The following GRID1 variants were observed in gnomAD, a reference collection of about 807,000 sequenced individuals.
GRID1 encodes the protein glutamate receptor ionotropic, delta-1.
GRID1 carries 28 observed loss-of-function variants against 98.0 expected under a neutral mutation model. That is an observed-to-expected ratio of 0.29 (90% CI 0.21 to 0.39). GRID1 has a LOEUF of 0.39. Ranked by LOEUF, GRID1 falls within the 10% of genes least tolerant of loss-of-function variation. The pLI, the probability that GRID1 is intolerant of heterozygous loss-of-function variation, is 1.00. For synonymous variants in GRID1, 553 were observed against 538.5 expected (o/e 1.03, Z -0.37); for missense variants, 1,111 against 1,340.5 (o/e 0.83, Z 2.67).
chr10:85,766,661 G>A (rs1197020964), intron 8 of GRID1, among the ~76,000 whole-genome samples: 1 of 151,780 alleles, frequency 6.6e-6, no homozygotes, highest in African/African-American at 2.4e-5. Context: ...ATCATATGAG[G>A]AGAGGATCAA....
intron 2 of GRID1, among the ~76,000 whole-genome samples, chr10:86,241,359 T>C (rs1846629706): frequency 6.6e-6 from 1 of 152,238 alleles, no homozygotes; most frequent in East Asian, 1.9e-4. Flanking sequence ...GCCCTGGCCA[T>C]CAGGACCCCT....
intron 4 of GRID1, among the ~76,000 whole-genome samples, chr10:85,985,992 C>A (rs1842604015): frequency 6.6e-6 from 1 of 152,358 alleles, no homozygotes; most frequent in East Asian, 1.9e-4. Context: ...ACCCACCCCA[C>A]AGGGATGTGG....
At chr10:86,211,278 T>C (rs1437525302) in intron 2 of GRID1, among the ~76,000 whole-genome samples, 1 of 152,198 alleles carries the variant, frequency 6.6e-6, no homozygotes, top group African/African-American at 2.4e-5. Flanking sequence ...TGCCTCCATA[T>C]TATATGGTCA....
intron 2 of GRID1, among the ~76,000 whole-genome samples, chr10:86,266,321 T>C (rs1232680935): frequency 6.6e-6 from 1 of 152,068 alleles, no homozygotes; most frequent in East Asian, 1.9e-4. Context: ...ATCCCTCTAA[T>C]TCCTGCAAAC....
intron 12 of GRID1, among the ~76,000 whole-genome samples, chr10:85,701,945 G>A (rs1239977702): frequency 6.6e-6 from 1 of 151,970 alleles, no homozygotes; most frequent in African/African-American, 2.4e-5. Flanking sequence ...AACACCACCT[G>A]TTCCCCAACA....
At chr10:85,891,141 C>A (rs898738601) in intron 5 of GRID1, among the ~76,000 whole-genome samples, 1 of 152,178 alleles carries the variant, frequency 6.6e-6, no homozygotes, top group Admixed American at 6.6e-5. Context: ...GCACAACTAT[C>A]CCTACCACTA....
chr10:86,235,597 T>A (rs955622833), intron 2 of GRID1, among the ~76,000 whole-genome samples: 2 of 152,246 alleles, frequency 1.3e-5, no homozygotes, highest in African/African-American at 4.8e-5. Flanking sequence ...TTTCTGTCTC[T>A]ATAGTTTTGC....
intron 3 of GRID1, among the ~76,000 whole-genome samples, chr10:86,198,829 T>C (rs527875789): frequency 2.2e-4 from 34 of 152,234 alleles, no homozygotes; most frequent in African/African-American, 7.2e-4. Flanking sequence ...CGCACTGCCA[T>C]GAGGGAAGAA....
At position 86,066,447 on chromosome 10, in the gene GRID1, A is replaced by T. The variant is rs530322652; in HGVS notation, c.726+72372T>A. On this transcript the variant is annotated intron_variant, in intron 4 of 15. Coordinates refer to ENST00000327946, the MANE Select transcript of GRID1 (RefSeq NM_017551.3). The stretch of plus-strand genomic sequence containing the variant: ...TTTTTAGCCCTAAGAGAGGACACTC[A>T]TCCCCATTTTCCAGATGAGGAGACT... Among the ~76,000 whole-genome samples the T allele has an allele frequency of 4.6e-5, 7 of 152,316 alleles. No homozygotes were observed. In the South Asian group the frequency reaches 1.5e-3, roughly 32 times the overall value.
At chr10:85,771,931 AG>A (rs1842273190) in intron 8 of GRID1, among the ~76,000 whole-genome samples, 1 of 152,190 alleles carries the variant, frequency 6.6e-6, no homozygotes, top group Non-Finnish European at 1.5e-5. Context: ...AAAGTTAACA[AG>A]GATACCCAGG....
chr10:86,342,434 C>T (rs1848322639), intron 2 of GRID1, among the ~76,000 whole-genome samples: 1 of 152,232 alleles, frequency 6.6e-6, no homozygotes, highest in Non-Finnish European at 1.5e-5. Context: ...TACACACACA[C>T]TCCACTATGT....
intron 10 of GRID1, among the ~76,000 whole-genome samples, chr10:85,725,889 C>T (rs1841755476): frequency 6.6e-6 from 1 of 152,158 alleles, no homozygotes; most frequent in Non-Finnish European, 1.5e-5. Context: ...CTGGTTCTTG[C>T]CTCTCTTCTA....
chr10:86,074,285 C>T (rs373286935), intron 4 of GRID1, among the ~76,000 whole-genome samples: 34 of 152,108 alleles, frequency 2.2e-4, no homozygotes, highest in East Asian at 7.7e-4. Flanking sequence ...AATGTTTGTA[C>T]GCTTTAATCC....
At chr10:85,863,708 G>C (rs914960073) in intron 6 of GRID1, among the ~76,000 whole-genome samples, 17 of 152,212 alleles carry the variant, frequency 1.1e-4, no homozygotes, top group African/African-American at 3.1e-4. Flanking sequence ...CCCTATCAGT[G>C]GGGGAGAGGC....
chr10:85,892,761 G>T (rs1298500803), intron 5 of GRID1, among the ~76,000 whole-genome samples: 4 of 151,956 alleles, frequency 2.6e-5, no homozygotes, highest in Non-Finnish European at 5.9e-5. Context: ...TAACGTCATT[G>T]GTGAATTCTA....
intron 4 of GRID1, among the ~76,000 whole-genome samples, chr10:85,981,451 GCCTAC>G (rs1842543443): frequency 6.6e-6 from 1 of 152,166 alleles, no homozygotes; most frequent in South Asian, 2.1e-4. Context: ...GGGCTACAAT[GCCTAC>G]TTGGCTTTTG....
At chr10:86,247,788 C>T (rs1846755773) in intron 2 of GRID1, among the ~76,000 whole-genome samples, 1 of 152,142 alleles carries the variant, frequency 6.6e-6, no homozygotes, top group Non-Finnish European at 1.5e-5. Context: ...AGGGAGCACC[C>T]AGCCATGAAC....
intron 8 of GRID1, among the ~76,000 whole-genome samples, chr10:85,811,277 G>T (rs1842668519): frequency 6.6e-6 from 1 of 152,130 alleles, no homozygotes. Context: ...ATTGGAAGAG[G>T]CTACTATTCC....
At chr10:85,961,668 C>T (rs959586760) in intron 4 of GRID1, among the ~76,000 whole-genome samples, 1 of 151,712 alleles carries the variant, frequency 6.6e-6, no homozygotes, top group Admixed American at 6.6e-5. Flanking sequence ...TTCTCAGCTT[C>T]CTTCTCTCCT....
Sources: allele counts gnomAD v4.1 joint callset (sites outside exome capture counted in the v4.1 genomes callset), GRCh38; gene constraint gnomAD v4.1.1; transcripts MANE v1.5; gene names NCBI Gene and HGNC (gene_info 2026-07-23, HGNC 2026-07-21).